Variants in ASTN2 observed in about 807,000 individuals in gnomAD.
ASTN2 encodes astrotactin 2, also known as astrotactin-2.
A neutral mutation model predicts 139.8 loss-of-function variants in ASTN2; 54 were observed. The observed-to-expected ratio is 0.39, with a 90% CI of 0.31 to 0.48. The LOEUF (loss-of-function observed/expected upper bound fraction) is 0.48, where lower values mean the gene tolerates loss of function less well. Ranked by LOEUF, ASTN2 falls within the 20% of genes least tolerant of loss-of-function variation. The pLI, the probability that ASTN2 is intolerant of heterozygous loss-of-function variation, is 0.95. For synonymous variants in ASTN2, 756 were observed against 719.5 expected, an observed-to-expected ratio of 1.05 and a Z score of -0.81; for missense variants, 1,565 against 1,725.1, an observed-to-expected ratio of 0.91 and a Z score of 1.64.
At chr9:116,445,968 C>T (rs986507063) in intron 20 of ASTN2, among the ~76,000 whole-genome samples, 4 of 152,154 alleles carry the variant, frequency 2.6e-5, no homozygotes, top group Admixed American at 2.6e-4. Flanking sequence ...CAAGGCCATG[C>T]GCTTTCTGCC....
Position 117,096,167 on chromosome 9 carries a change from G to T in ASTN2, c.1169-16C>A. The T allele has an allele frequency of 6.2e-7, 1 of 1,605,644 alleles. No individual in the cohort carries two copies. Among genetic ancestry groups the T allele is most frequent in the Non-Finnish European group, 8.5e-7 (1 of 1,172,498 alleles). On this transcript the variant is annotated splice_polypyrimidine_tract_variant and intron_variant, in intron 4 of 22. Transcript: ENST00000313400. ...CTGATTCCTCCTGTGAGTAAGCACA[G>T]TCTATCAGTTAGTCTCCCAGGCCTC...
chr9:117,145,417 T>TTAGA (rs879372204), intron 3 of ASTN2, among the ~76,000 whole-genome samples: 5 of 152,220 alleles, frequency 3.3e-5, no homozygotes, highest in Non-Finnish European at 7.3e-5. Flanking sequence ...CCGCTCCTTG[T>TTAGA]TAGATGGCTA....
intron 10 of ASTN2, among the ~76,000 whole-genome samples, chr9:116,960,244 G>A (rs1835838614): frequency 6.6e-6 from 1 of 152,048 alleles, no homozygotes. Flanking sequence ...CCAGCCAAAG[G>A]GTTTCAAAAA....
intron 1 of ASTN2, among the ~76,000 whole-genome samples, chr9:117,306,218 T>C (rs10759914): frequency 0.28 from 43,332 of 152,140 alleles, 7,559 homozygotes; most frequent in East Asian, 0.45. Flanking sequence ...AGAGTAGACT[T>C]TGTCAACTCA....
At chr9:116,990,709 T>G (rs1040422716) in intron 7 of ASTN2, among the ~76,000 whole-genome samples, 3 of 152,222 alleles carry the variant, frequency 2.0e-5, no homozygotes, top group African/African-American at 7.2e-5. Flanking sequence ...TGCAGAACAG[T>G]GCAGGTTCCC....
chr9:117,204,860 G>A (rs545385378), intron 3 of ASTN2, among the ~76,000 whole-genome samples: 2 of 152,278 alleles, frequency 1.3e-5, no homozygotes, highest in South Asian at 4.1e-4. Context: ...TATATAGGAA[G>A]ATGTTTTCTG....
chr9:116,772,844 C>T (rs981534253), intron 13 of ASTN2, among the ~76,000 whole-genome samples: 1 of 152,284 alleles, frequency 6.6e-6, no homozygotes, highest in East Asian at 1.9e-4. Flanking sequence ...CGGGTCAGAG[C>T]TCAGGGGGCT....
At chr9:117,381,626 C>T (rs910033978) in intron 1 of ASTN2, among the ~76,000 whole-genome samples, 1 of 152,144 alleles carries the variant, frequency 6.6e-6, no homozygotes, top group Admixed American at 6.5e-5. Context: ...CTCCCTGAGA[C>T]CTCCCCAGAA....
intron 2 of ASTN2, among the ~76,000 whole-genome samples, chr9:117,263,733 C>T (rs550173123): frequency 6.6e-6 from 1 of 152,060 alleles, no homozygotes; most frequent in East Asian, 1.9e-4. Flanking sequence ...TTTTCACTAC[C>T]CTGTGGTTAA....
At chr9:116,501,753 G>C (rs1362399260) in intron 19 of ASTN2, among the ~76,000 whole-genome samples, 1 of 151,982 alleles carries the variant, frequency 6.6e-6, no homozygotes, top group Non-Finnish European at 1.5e-5. Context: ...CCTAATGCTA[G>C]ATGATGAGTT....
At position 116,975,210 on chromosome 9, in the gene ASTN2, G is replaced by C; in HGVS notation, c.1887C>G (p.Val629=). The change falls in exon 10 of 23, where the codon GTC becomes GTG. Residue 629 remains valine (V), a splice_region_variant and synonymous_variant. Coordinates refer to ENST00000313400, the MANE Select transcript of ASTN2 (RefSeq NM_001365068.1). The part of the protein sequence containing the change: ...DVLVTEDPAD[V]REEAMLSTYF... ...GAGTACTGGAGATGATTCCCTACCTGACATCTGCAGGGTCTTCCGTGACGA... is the reference window on the plus strand; with the variant it reads ...GAGTACTGGAGATGATTCCCTACCTCACATCTGCAGGGTCTTCCGTGACGA... 1.2e-6 allele frequency: 2 copies of C among 1,607,192 alleles called. No homozygotes were observed. The highest frequency in any genetic ancestry group is 1.7e-6 in the Non-Finnish European group (2 of 1,177,050).
intron 16 of ASTN2, among the ~76,000 whole-genome samples, chr9:116,702,992 C>T (rs1827884332): frequency 1.3e-5 from 2 of 152,162 alleles, no homozygotes; most frequent in South Asian, 4.2e-4. Context: ...TTAATGGCCT[C>T]TTAAAAGTGC....
At chr9:116,523,297 C>T (rs1303696716) in intron 19 of ASTN2, among the ~76,000 whole-genome samples, 5 of 151,744 alleles carry the variant, frequency 3.3e-5, no homozygotes, top group Admixed American at 2.6e-4. Context: ...CACAGGAGAA[C>T]TCGAACTTGC....
At chr9:116,513,036 T>C (rs753156082) in intron 19 of ASTN2, among the ~76,000 whole-genome samples, 4 of 152,232 alleles carry the variant, frequency 2.6e-5, no homozygotes, top group Admixed American at 6.5e-5. Context: ...AGTTTGATCC[T>C]GTCATTATGA....
At chr9:117,155,746 T>C (rs370388418) in intron 3 of ASTN2, among the ~76,000 whole-genome samples, 1 of 152,168 alleles carries the variant, frequency 6.6e-6, no homozygotes. Context: ...AGAGGTAGGT[T>C]TCCAAGCAGA....
At chr9:117,034,854 G>A (rs1838338337) in intron 6 of ASTN2, among the ~76,000 whole-genome samples, 1 of 152,216 alleles carries the variant, frequency 6.6e-6, no homozygotes, top group Non-Finnish European at 1.5e-5. Context: ...GATAAAAGAA[G>A]GGGTGAGATT....
chr9:116,791,043 GA>G (rs1210608990), intron 13 of ASTN2, among the ~76,000 whole-genome samples: 1 of 142,070 alleles, frequency 7.0e-6, no homozygotes, highest in East Asian at 2.1e-4. Flanking sequence ...AAGAAAGAAA[GA>G]AAAGAAAAGA....
intron 14 of ASTN2, among the ~76,000 whole-genome samples, chr9:116,730,578 T>C (rs1828750365): frequency 6.6e-6 from 1 of 152,062 alleles, no homozygotes; most frequent in Non-Finnish European, 1.5e-5. Flanking sequence ...GGCTATGTTT[T>C]TGACTAAGGG....
rs555818271 is a variant in ASTN2 at position 117,213,721 on chromosome 9, T to A, written c.1015+637A>T. Among the ~76,000 whole-genome samples, 41 of 152,318 alleles carry A rather than the reference T, an allele frequency of 2.7e-4. No individual in the cohort carries two copies. The South Asian group carries it at 7.9e-3, about 29-fold the overall frequency. On this transcript the variant is annotated intron_variant, in intron 3 of 22. Transcript: ENST00000313400. ...CCCATTTTTCTCAGCCCTGGATCAT[T>A]CCTGCCTTGAGGAAGAAGAGTGTCA...
Sources: allele counts gnomAD v4.1 joint callset (sites outside exome capture counted in the v4.1 genomes callset), GRCh38; gene constraint gnomAD v4.1.1; transcripts MANE v1.5; gene names NCBI Gene and HGNC (gene_info 2026-07-23, HGNC 2026-07-21).